HMCN1: variants seen among roughly 807,000 people sequenced by gnomAD.
HMCN1 encodes hemicentin-1.
A neutral mutation model predicts 625.9 loss-of-function variants in HMCN1; 321 were observed. That is an observed-to-expected ratio of 0.51 (90% CI 0.47 to 0.56). The LOEUF (loss-of-function observed/expected upper bound fraction) is 0.56. HMCN1 is among the 20% of genes least tolerant of loss of function. The pLI is 0.00. For synonymous variants in HMCN1, 2,425 were observed against 2,417.6 expected (o/e 1.00, Z -0.09); for missense variants, 6,588 against 6,887.3 (o/e 0.96, Z 1.54).
At chr1:185,926,134 C>G (rs1468407436) in intron 9 of HMCN1, among the ~76,000 whole-genome samples, 4 of 152,190 alleles carry the variant, frequency 2.6e-5, no homozygotes, top group Non-Finnish European at 5.9e-5. Context: ...TGCCTTTTAA[C>G]TTACTGTGAA....
chr1:185,824,230 T>A (rs1660374002), intron 1 of HMCN1, among the ~76,000 whole-genome samples: 1 of 152,170 alleles, frequency 6.6e-6, no homozygotes, highest in Non-Finnish European at 1.5e-5. Flanking sequence ...AAGATGCTAG[T>A]AAGTGGTTAA....
intron 36 of HMCN1, among the ~76,000 whole-genome samples, chr1:186,033,222 A>T (rs1395281312): frequency 6.6e-6 from 1 of 152,138 alleles, no homozygotes; most frequent in African/African-American, 2.4e-5. Flanking sequence ...GCATGTTCTC[A>T]ATTTTAAGTA....
At position 186,153,788 on chromosome 1, in the gene HMCN1, G is replaced by A. The variant is rs1650818819; in HGVS notation, c.15057G>A (p.Gln5019=). The A allele has an allele frequency of 6.2e-7, 1 of 1,614,126 alleles. No individual in the cohort carries two copies. The stretch of plus-strand genomic sequence containing the variant: ...ACTACATTCAAACAGGTCCTGGGCA[G>A]CTGTACGCCTACTCAACCCGGCTGT... ...TEDYIQTGPG[Q]LYAYSTRLFT... Residue 5019 remains glutamine (Q), a synonymous_variant, in exon 97 of 107, where the codon CAG becomes CAA. Coordinates refer to ENST00000271588, the MANE Select transcript of HMCN1 (RefSeq NM_031935.3).
chr1:186,138,074 A>T, intron 89 of HMCN1, 102 bp downstream of exon 89: 2 of 1,225,110 alleles, frequency 1.6e-6, no homozygotes, highest in Non-Finnish European at 2.4e-6. Flanking sequence ...AAAAGATGTT[A>T]TGGCCTCTAC....
At chr1:185,856,902 C>G (rs17448182) in intron 2 of HMCN1, among the ~76,000 whole-genome samples, 1 of 152,232 alleles carries the variant, frequency 6.6e-6, no homozygotes, top group Non-Finnish European at 1.5e-5. Flanking sequence ...TCTCTCTGGT[C>G]CATCATTTGA....
chr1:185,761,930 A>G (rs1387191227), intron 1 of HMCN1, among the ~76,000 whole-genome samples: 4 of 152,208 alleles, frequency 2.6e-5, no homozygotes, highest in African/African-American at 9.6e-5. Flanking sequence ...ATATAGCATC[A>G]TATTATAAAC....
chr1:185,917,774 A>G (rs188571025), intron 6 of HMCN1, among the ~76,000 whole-genome samples: 1 of 152,316 alleles, frequency 6.6e-6, no homozygotes, highest in African/African-American at 2.4e-5. Flanking sequence ...TAAACTAAGA[A>G]GTAAATCCAT....
chr1:185,975,222 G>A (rs1651110511), intron 15 of HMCN1, among the ~76,000 whole-genome samples: 1 of 152,158 alleles, frequency 6.6e-6, no homozygotes, highest in Non-Finnish European at 1.5e-5. Flanking sequence ...GAGACTTCGT[G>A]TATTCGTCCG....
chr1:186,082,977 C>T lies in HMCN1; in HGVS notation c.8884+16C>T, dbSNP rs1571325083. The T allele has an allele frequency of 1.4e-6, 2 of 1,467,368 alleles. No individual in the cohort carries two copies. Among genetic ancestry groups the T allele is most frequent in the African/African-American group, 2.8e-5 (2 of 71,486 alleles). 90.9% of individuals were successfully genotyped at this position (1,467,368 alleles called of 1,614,324 possible). A position where few individuals can be genotyped will look rare whatever the true frequency, so the allele number is the denominator to read the frequency against. ...AATGTTCATGGTAAGAGCTCAGTTC[C>T]AAAACCATCTGTTAGGGTATGCTTG... On this transcript the variant is annotated intron_variant, in intron 57 of 106. Transcript: ENST00000271588.
chr1:186,132,858 T>C (rs944486718), intron 86 of HMCN1, among the ~76,000 whole-genome samples: 1 of 152,128 alleles, frequency 6.6e-6, no homozygotes, highest in African/African-American at 2.4e-5. Context: ...GTTCTCATTG[T>C]TCAGTTCCCA....
chr1:186,055,800 C>T, intron 45 of HMCN1, 126 bp downstream of exon 45: 2 of 934,828 alleles, frequency 2.1e-6, no homozygotes, highest in Non-Finnish European at 3.5e-6. Flanking sequence ...ACATATATAC[C>T]TTTTCCCCAG....
intron 46 of HMCN1, among the ~76,000 whole-genome samples, chr1:186,058,847 TC>T (rs1315156979): frequency 6.6e-6 from 1 of 151,894 alleles, no homozygotes; most frequent in Non-Finnish European, 1.5e-5. Context: ...AAACCTAAGT[TC>T]CCCCTGTTTC....
At chr1:185,927,140 T>C (rs1667318903) in intron 9 of HMCN1, among the ~76,000 whole-genome samples, 1 of 152,220 alleles carries the variant, frequency 6.6e-6, no homozygotes, top group Non-Finnish European at 1.5e-5. Context: ...GTTTCTGTTC[T>C]AAAATTTCCA....
At chr1:185,767,584 A>T (rs1655955074) in intron 1 of HMCN1, among the ~76,000 whole-genome samples, 1 of 152,216 alleles carries the variant, frequency 6.6e-6, no homozygotes, top group African/African-American at 2.4e-5. Context: ...AATGTTCAAG[A>T]TTCGTAAAAC....
intron 4 of HMCN1, among the ~76,000 whole-genome samples, chr1:185,876,014 C>T (rs1029930389): frequency 1.3e-5 from 2 of 151,960 alleles, no homozygotes. Flanking sequence ...GTACCTAACA[C>T]CCGAATAGTG....
intron 11 of HMCN1, among the ~76,000 whole-genome samples, chr1:185,937,620 G>A (rs1357466786): frequency 3.3e-5 from 5 of 152,060 alleles, no homozygotes; most frequent in Admixed American, 1.3e-4. Flanking sequence ...AGTGGCTCAC[G>A]CCTGTAATCC....
chr1:185,837,590 T>C (rs1661244192), intron 1 of HMCN1, among the ~76,000 whole-genome samples: 1 of 152,158 alleles, frequency 6.6e-6, no homozygotes, highest in Non-Finnish European at 1.5e-5. Flanking sequence ...TGATCTCTTA[T>C]ATTGCTTTGA....
At position 185,980,962 on chromosome 1, in the gene HMCN1, G is replaced by T. The variant is rs766716228; in HGVS notation, c.2567-16G>T. 10 of 1,458,526 alleles carry T rather than the reference G, an allele frequency of 6.9e-6. No individual in the cohort carries two copies. Among genetic ancestry groups the T allele is most frequent in the Non-Finnish European group, 8.7e-6 (9 of 1,038,320 alleles). 90.3% of individuals were successfully genotyped at this position (1,458,526 alleles called of 1,614,324 possible). A position where few individuals can be genotyped will look rare whatever the true frequency, so the allele number is the denominator to read the frequency against. ...CATAGATGGTATTGGATGAGTAAAT[G>T]AGTTCTTCCTTTTAGACTTATGGGC... On this transcript the variant is annotated splice_polypyrimidine_tract_variant and intron_variant, in intron 16 of 106. Coordinates refer to ENST00000271588, the MANE Select transcript of HMCN1 (RefSeq NM_031935.3).
intron 4 of HMCN1, among the ~76,000 whole-genome samples, chr1:185,872,370 G>C (rs1281198840): frequency 6.6e-6 from 1 of 152,030 alleles, no homozygotes; most frequent in East Asian, 1.9e-4. Flanking sequence ...GTGCTTATAG[G>C]TCAGGAATAT....
Sources: gnomAD v4.1 joint callset for allele counts (sites outside exome capture counted in the v4.1 genomes callset) on GRCh38, gnomAD v4.1.1 for gene constraint, MANE v1.5 for transcripts, NCBI Gene and HGNC (gene_info 2026-07-23, HGNC 2026-07-21) for gene names.